STK31: variants seen among roughly 807,000 people sequenced by gnomAD.
STK31 encodes the protein serine/threonine-protein kinase 31.
A neutral mutation model predicts 129.7 loss-of-function variants in STK31; 89 were observed. The ratio of observed to expected loss-of-function variants is 0.69; its 90% confidence interval spans 0.58 to 0.82. The LOEUF (loss-of-function observed/expected upper bound fraction) is 0.82. Among genes scored for constraint, STK31 ranks in the 40% least tolerant of loss-of-function variants. The probability of loss-of-function intolerance (pLI) is 0.00; values close to 1 mark genes in which losing one functional copy is unlikely to be tolerated. For synonymous variants in STK31, 448 were observed against 395.3 expected, an observed-to-expected ratio of 1.13 and a Z score of -1.58; for missense variants, 1,187 against 1,176.4, an observed-to-expected ratio of 1.01 and a Z score of -0.13.
At chr7:23,720,375 C>T (rs1023955959) in intron 4 of STK31, among the ~76,000 whole-genome samples, 5 of 152,146 alleles carry the variant, frequency 3.3e-5, no homozygotes, top group Admixed American at 6.5e-5. Flanking sequence ...TGCTAAAGTG[C>T]ATCTGGGATC....
chr7:23,811,335 C>T, intron 22 of STK31: 1 of 411,138 alleles, frequency 2.4e-6, no homozygotes, highest in Non-Finnish European at 4.8e-6. Context: ...TTTACTCTTT[C>T]TGGTCTTCAT....
chr7:23,740,066 T>C lies in STK31; in HGVS notation c.1017+2988T>C, dbSNP rs575470069. 9.2e-5 allele frequency among the ~76,000 whole-genome samples: 14 copies of C among 152,326 alleles called. No individual in the cohort carries two copies. In the South Asian group the frequency reaches 2.3e-3, roughly 25 times the overall value. On this transcript the variant is annotated intron_variant, in intron 8 of 23. Transcript: ENST00000355870. ...TGAATCTATCAATTACTTTGGGCAG[T>C]GTGGCCATTTTCATGGTATTGATTC...
At chr7:23,711,430 A>G (rs564649866) in intron 1 of STK31, among the ~76,000 whole-genome samples, 242 of 128,006 alleles carry the variant, frequency 1.9e-3, no homozygotes, top group Middle Eastern at 4.1e-3. Flanking sequence ...GTTTGGGGGG[A>G]AAAAAAAAAA....
chr7:23,711,005 A>G (rs1785920806), intron 1 of STK31, among the ~76,000 whole-genome samples: 1 of 152,218 alleles, frequency 6.6e-6, no homozygotes, highest in Admixed American at 6.5e-5. Flanking sequence ...GCCACTTACG[A>G]AAAATTTTTT....
intron 3 of STK31, 146 bp downstream of exon 3, chr7:23,712,432 A>G: frequency 1.2e-6 from 1 of 802,932 alleles, no homozygotes; most frequent in Non-Finnish European, 2.0e-6. Flanking sequence ...AGGCATTATT[A>G]GGAGACAAAT....
Position 23,790,868 on chromosome 7 carries a change from G to T in STK31, c.2682G>T (p.Leu894Phe). The T allele has an allele frequency of 1.2e-6, 2 of 1,609,094 alleles. No individual in the cohort carries two copies. Among genetic ancestry groups the T allele is most frequent in the Non-Finnish European group, 1.7e-6 (2 of 1,178,088 alleles). ...SVNMMVGDLS[L>F]MSPELKMGKP... ...ACATGATGGTTGGTGACTTGAGTTT[G>T]ATGTCACCTGAGTTGAAAATGGGAA... Residue 894 changes from leucine to phenylalanine, a missense_variant, in exon 22 of 24, where the codon TTG becomes TTT. Physicochemically the swap from Leu to Phe is conservative, Grantham distance 22. Transcript: ENST00000355870.
intron 23 of STK31, among the ~76,000 whole-genome samples, chr7:23,829,466 T>G (rs1337473391): frequency 6.6e-6 from 1 of 152,220 alleles, no homozygotes; most frequent in Non-Finnish European, 1.5e-5. Context: ...CTAGCATCCC[T>G]GGGATAAATG....
At chr7:23,729,478 T>C (rs1787269752) in intron 6 of STK31, among the ~76,000 whole-genome samples, 1 of 151,862 alleles carries the variant, frequency 6.6e-6, no homozygotes, top group Non-Finnish European at 1.5e-5. Context: ...AGTTTCCTTC[T>C]GATGTAAATG....
At chr7:23,782,617 G>A (rs1378477998) in intron 16 of STK31, among the ~76,000 whole-genome samples, 3 of 152,062 alleles carry the variant, frequency 2.0e-5, no homozygotes, top group African/African-American at 4.8e-5. Context: ...TAGCGATCTT[G>A]CAATGATTTG....
Position 23,783,628 on chromosome 7 carries a change from C to T in STK31, c.2113C>T (p.Leu705=). ...ACAGAAATGGTTCCCTGAGCTGCCT[C>T]TGCTTCATCCTGAAATAGGATTACT... ...LAQKWFPELP[L]LHPEIGLLKY... is the part of the protein sequence containing the mutation. Residue 705 remains leucine (L), a synonymous_variant, in exon 17 of 24, where the codon CTG becomes TTG. Transcript: ENST00000355870. 1.2e-6 allele frequency: 2 copies of T among 1,612,100 alleles called. No individual in the cohort carries two copies. The highest frequency in any genetic ancestry group is 8.5e-7 in the Non-Finnish European group (1 of 1,179,514).
intron 22 of STK31, among the ~76,000 whole-genome samples, chr7:23,812,413 CTTTT>C (rs66609610): frequency 3.6e-5 from 4 of 110,780 alleles, no homozygotes; most frequent in Non-Finnish European, 5.7e-5. Flanking sequence ...CATTCCTTTC[CTTTT>C]TTTTTTTTTT....
chr7:23,832,080 C>A, intron 23 of STK31, 56 bp from the exon 24 acceptor site: 1 of 1,284,102 alleles, frequency 7.8e-7, no homozygotes, highest in Admixed American at 1.8e-5. Context: ...CTTCCTTCTT[C>A]ATTACAGATT....
At chr7:23,822,591 T>C (rs566685410) in intron 23 of STK31, among the ~76,000 whole-genome samples, 2 of 152,248 alleles carry the variant, frequency 1.3e-5, no homozygotes, top group African/African-American at 4.8e-5. Flanking sequence ...ACAGTTTGAC[T>C]TTTTCTTTTT....
intron 22 of STK31, among the ~76,000 whole-genome samples, chr7:23,798,232 C>T (rs1792123226): frequency 6.6e-6 from 1 of 152,156 alleles, no homozygotes; most frequent in African/African-American, 2.4e-5. Flanking sequence ...AAGAGGGAAT[C>T]CTCCCTAACT....
At chr7:23,741,018 C>A (rs995759919) in intron 8 of STK31, among the ~76,000 whole-genome samples, 2 of 152,142 alleles carry the variant, frequency 1.3e-5, no homozygotes, top group Non-Finnish European at 1.5e-5. Context: ...TATTTGTTCT[C>A]CTTAAGTATT....
intron 21 of STK31, 54 bp downstream of exon 21, chr7:23,788,183 G>T: frequency 6.8e-7 from 1 of 1,480,372 alleles, no homozygotes; most frequent in Non-Finnish European, 9.1e-7. Context: ...ATATTATTAA[G>T]CAGTAGTTCA....
chr7:23,751,109 TAAC>T, intron 8 of STK31, among the ~76,000 whole-genome samples: 1 of 152,320 alleles, frequency 6.6e-6, no homozygotes, highest in East Asian at 1.9e-4. Context: ...TCCTACATAT[TAAC>T]AAGAATGTAA....
intron 23 of STK31, among the ~76,000 whole-genome samples, chr7:23,825,049 C>T (rs1794043040): frequency 6.6e-6 from 1 of 152,016 alleles, no homozygotes; most frequent in Non-Finnish European, 1.5e-5. Context: ...GAATATTGGT[C>T]TAAAATTGTC....
At position 23,784,538 on chromosome 7, in the gene STK31, C is replaced by G. The variant is rs184873353; in HGVS notation, c.2148+875C>G. Among the ~76,000 whole-genome samples, 12 of 152,166 alleles carry G rather than the reference C, an allele frequency of 7.9e-5. No individual in the cohort carries two copies. The East Asian group carries it at 2.3e-3, about 29-fold the overall frequency. ...AATTAATATTTAAAAATATGCTAAT[C>G]TACTTTATTATGGAAGATTATAAAA... On this transcript the variant is annotated intron_variant, in intron 17 of 23. Transcript: ENST00000355870.
Sources: allele counts gnomAD v4.1 joint callset (sites outside exome capture counted in the v4.1 genomes callset), GRCh38; gene constraint gnomAD v4.1.1; transcripts MANE v1.5; gene names NCBI Gene and HGNC (gene_info 2026-07-23, HGNC 2026-07-21).